Variants in TXNRD3 observed in about 807,000 individuals in gnomAD.
TXNRD3 encodes the protein TXNRD3 neighbor gene protein.
Under a neutral mutation model 78.2 loss-of-function variants are expected in TXNRD3, and 68 were observed. The ratio of observed to expected loss-of-function variants is 0.87; its 90% confidence interval spans 0.72 to 1.06. TXNRD3 has a LOEUF of 1.06. TXNRD3 is among the 50% of genes least tolerant of loss of function. The pLI, the probability that TXNRD3 is intolerant of heterozygous loss-of-function variation, is 0.00. For missense variants in TXNRD3, 751 were observed against 809.5 expected, an observed-to-expected ratio of 0.93 and a Z score of 0.88; for synonymous variants, 296 against 300.1, an observed-to-expected ratio of 0.99 and a Z score of 0.14.
chr3:126,647,956 C>A (rs1001442901), intron 1 of TXNRD3, among the ~76,000 whole-genome samples: 3 of 152,162 alleles, frequency 2.0e-5, no homozygotes, highest in Admixed American at 6.5e-5. Flanking sequence ...TGATCTCATG[C>A]GTAGAAAACC....
chr3:126,648,104 G>A (rs1001478118), intron 1 of TXNRD3, among the ~76,000 whole-genome samples: 3 of 151,746 alleles, frequency 2.0e-5, no homozygotes, highest in African/African-American at 4.8e-5. Context: ...TAGAAATTGA[G>A]AAAAAAAATT....
chr3:126,624,095 T>C (rs1017510761), intron 10 of TXNRD3, among the ~76,000 whole-genome samples: 1 of 151,998 alleles, frequency 6.6e-6, no homozygotes, highest in Admixed American at 6.6e-5. Context: ...TGAGAGGAAC[T>C]AAGGAATACA....
At chr3:126,649,048 G>C (rs73197958) in intron 1 of TXNRD3, among the ~76,000 whole-genome samples, 5,265 of 152,224 alleles carry the variant, frequency 0.035, 162 homozygotes, top group African/African-American at 0.081. Flanking sequence ...CAACTGAGTA[G>C]AGAGGTGACC....
intron 6 of TXNRD3, among the ~76,000 whole-genome samples, chr3:126,636,467 C>G (rs187703820): frequency 6.6e-6 from 1 of 152,292 alleles, no homozygotes; most frequent in Admixed American, 6.5e-5. Context: ...GCTTCTGACT[C>G]TTCTCCACCA....
chr3:126,635,266 T>C (rs1024744209), intron 6 of TXNRD3, among the ~76,000 whole-genome samples: 1 of 152,198 alleles, frequency 6.6e-6, no homozygotes, highest in Non-Finnish European at 1.5e-5. Flanking sequence ...GCAAAAGGCA[T>C]CTTAGATTAC....
chr3:126,631,870 T>C lies in TXNRD3; in HGVS notation c.865A>G (p.Lys289Glu). 4 of 1,535,858 alleles carry C rather than the reference T, an allele frequency of 2.6e-6. No individual in the cohort carries two copies. The highest frequency in any genetic ancestry group is 3.5e-6 in the Non-Finnish European group (4 of 1,146,594). ...GTATAATAAGTCTCCTGTCCTTTTTTATTGGTTGCCTTGAAAAAAGAGAAG... is the reference window on the plus strand; with the variant it reads ...GTATAATAAGTCTCCTGTCCTTTTTCATTGGTTGCCTTGAAAAAAGAGAAG... Residue 289 changes from lysine to glutamate, a missense_variant, in exon 8 of 16, where the codon AAA (lysine) becomes GAA (glutamate). By Grantham distance (56) the Lys-to-Glu change is moderately conservative. Transcript: ENST00000524230.
intron 3 of TXNRD3, 56 bp from the exon 4 acceptor site, chr3:126,644,457 TTATG>T: frequency 8.4e-7 from 1 of 1,191,988 alleles, no homozygotes; most frequent in Non-Finnish European, 1.2e-6. Flanking sequence ...TTACAGCTAT[TTATG>T]TACACCCTAT....
intron 14 of TXNRD3, chr3:126,609,075 G>T: frequency 3.0e-6 from 1 of 331,952 alleles, no homozygotes; most frequent in South Asian, 2.4e-5. Context: ...AGGAGAGGCT[G>T]GTGCAGGGCT....
chr3:126,631,817 A>G lies in TXNRD3; in HGVS notation c.918T>C (p.Gly306=), dbSNP rs754247474. ...GGATTCCTAAATACCGTGGCCTTTCACCCGTTGCTATGACAAACTGTGCAG... is the reference window on the plus strand; with the variant it reads ...GGATTCCTAAATACCGTGGCCTTTCGCCCGTTGCTATGACAAACTGTGCAG... Residue 306 remains glycine (G), a synonymous_variant, in exon 8 of 16, where the codon GGT becomes GGC. Coordinates refer to ENST00000524230, the MANE Select transcript of TXNRD3 (RefSeq NM_052883.3). 4 of 1,535,964 alleles carry G rather than the reference A, an allele frequency of 2.6e-6. No individual in the cohort carries two copies. The highest frequency in any genetic ancestry group is 3.5e-6 in the Non-Finnish European group (4 of 1,146,802).
chr3:126,637,962 T>TTTC (rs1553716348), intron 6 of TXNRD3, among the ~76,000 whole-genome samples: 1 of 96,112 alleles, frequency 1.0e-5, no homozygotes, highest in Non-Finnish European at 2.2e-5. Context: ...TTTTTTTTTT[T>TTTC]TGAGATGGAG....
At chr3:126,621,955 C>T in intron 11 of TXNRD3, 57 bp from the exon 12 acceptor site, 1 of 1,339,898 alleles carries the variant, frequency 7.5e-7, no homozygotes, top group Non-Finnish European at 9.7e-7. Context: ...ACACTGCTGG[C>T]TGACTAATAC....
intron 10 of TXNRD3, chr3:126,624,648 C>G (rs1938536002): frequency 6.6e-6 from 1 of 152,200 alleles, no homozygotes; most frequent in African/African-American, 2.4e-5. Flanking sequence ...GTCTCGATCT[C>G]CTGACCTTGT....
At chr3:126,630,986 T>A in intron 8 of TXNRD3, 49 bp from the exon 9 acceptor site, 14 of 1,409,256 alleles carry the variant, frequency 9.9e-6, no homozygotes, top group Non-Finnish European at 1.3e-5. Context: ...AAGAATGAAA[T>A]GAGTTATTCA....
At chr3:126,653,640 A>G (rs1933440415) in intron 1 of TXNRD3, among the ~76,000 whole-genome samples, 1 of 152,262 alleles carries the variant, frequency 6.6e-6, no homozygotes, top group African/African-American at 2.4e-5. Context: ...TCAGTTGGGC[A>G]TTACCTTGCT....
At chr3:126,637,932 C>CTTTTTTTTTTTTTTTTTTTTTTTTTT (rs71615916) in intron 6 of TXNRD3, among the ~76,000 whole-genome samples, 1 of 60,190 alleles carries the variant, frequency 1.7e-5, no homozygotes, top group Non-Finnish European at 2.8e-5. Flanking sequence ...ATTTCTCTCT[C>CTTTTTTTTTTTTTTTTTTTTTTTTTT]TTTTTTTTTT....
intron 1 of TXNRD3, among the ~76,000 whole-genome samples, chr3:126,654,184 A>G (rs1933454591): frequency 6.6e-6 from 1 of 152,246 alleles, no homozygotes; most frequent in South Asian, 2.1e-4. Context: ...TAAACTTCAA[A>G]TATATTTGAA....
chr3:126,634,020 C>A lies in TXNRD3; in HGVS notation c.744G>T (p.Ala248=), dbSNP rs571794944. The A allele has an allele frequency of 7.9e-5, 120 of 1,518,898 alleles. No homozygotes were observed. The African/African-American group carries it at 1.4e-3, about 18-fold the overall frequency. 94.1% of individuals were successfully genotyped at this position (1,518,898 alleles called of 1,614,324 possible). Residue 248 remains alanine (A), a synonymous_variant, in exon 7 of 16, where the codon GCG becomes GCT. Coordinates refer to ENST00000524230, the MANE Select transcript of TXNRD3 (RefSeq NM_052883.3). ...TTAGAGAGCTGATGTGGTTCTGAAT[C>A]GCTTTTGTCATTGTCTCCCAGTTGT...
rs1938560118 is a variant in TXNRD3, at chr3:126,625,544, C to T, written c.1291-3004G>A. On this transcript the variant is annotated intron_variant, in intron 10 of 15. Transcript: ENST00000524230. Reference sequence around the variant, plus strand: ...GTATATGTGCCACATTTTCTTAATCCAGTCTATCATTGTTGGACATTTGGG... The same window carrying T: ...GTATATGTGCCACATTTTCTTAATCTAGTCTATCATTGTTGGACATTTGGG... 2.0e-5 allele frequency among the ~76,000 whole-genome samples: 3 copies of T among 151,920 alleles called. 1 individual carries two copies.
intron 6 of TXNRD3, among the ~76,000 whole-genome samples, chr3:126,636,129 G>A (rs532704996): frequency 2.0e-5 from 3 of 152,004 alleles, no homozygotes; most frequent in African/African-American, 4.8e-5. Flanking sequence ...GTAAGGAAGG[G>A]GTCTCGCTAT....
Sources: allele counts gnomAD v4.1 joint callset (sites outside exome capture counted in the v4.1 genomes callset), GRCh38; gene constraint gnomAD v4.1.1; transcripts MANE v1.5; gene names NCBI Gene and HGNC (gene_info 2026-07-23, HGNC 2026-07-21).